CYP4X1: variants seen among roughly 807,000 people sequenced by gnomAD.
The protein encoded by CYP4X1 is cytochrome P450 family 4 subfamily X member 1.
In CYP4X1, 44 loss-of-function variants were observed where a neutral mutation model predicts 57.9. The ratio of observed to expected loss-of-function variants is 0.76; its 90% confidence interval spans 0.60 to 0.98. The LOEUF is 0.98. CYP4X1 is among the 50% of genes least tolerant of loss of function. The pLI is 0.00. For missense variants in CYP4X1, 532 were observed against 623.9 expected (o/e 0.85, Z 1.57); for synonymous variants, 227 against 228.6 (o/e 0.99, Z 0.06).
chr1:46,961,715 C>T, the CYP4X1 span: 1 of 1,303,376 alleles, frequency 7.7e-7, no homozygotes, highest in Non-Finnish European at 1.0e-6. Context: ...ACTTGCAGAA[C>T]CTCAAGCCCT....
rs947029906 is a variant in CYP4X1, at chr1:47,039,469, A to G, written c.1010A>G (p.Glu337Gly). ...CTTTACTGCCTGGCTCTGAACCCTG[A>G]GCATCAAGAGAGATGCCGGGAGGAG... ...WILYCLALNP[E>G]HQERCREEVR... The change falls in exon 8 of 12, where the codon GAG (glutamate) becomes GGG (glycine). Residue 337 changes from glutamate to glycine, a missense_variant. Glu to Gly is a moderately conservative substitution (Grantham distance 98, BLOSUM62 -2). Transcript: ENST00000371901. 3.7e-6 allele frequency: 6 copies of G among 1,613,352 alleles called. No individual in the cohort carries two copies. The African/African-American group carries it at 8.0e-5, about 22-fold the overall frequency.
At chr1:46,999,026 T>TTGTGTGTGTGTGTGTGTG in the CYP4X1 span, among the ~76,000 whole-genome samples, 514 of 143,310 alleles carry the variant, frequency 3.6e-3, 8 homozygotes, top group African/African-American at 0.013. Context: ...CTTGCTTTCT[T>TTGTGTGTGTGTGTGTGTG]TGTGTGTGTG....
the CYP4X1 span, among the ~76,000 whole-genome samples, chr1:46,987,623 C>G: frequency 6.6e-6 from 1 of 152,150 alleles, no homozygotes; most frequent in African/African-American, 2.4e-5. Context: ...AAATTGACCA[C>G]ATAATTGGAA....
Position 47,030,121 on chromosome 1 carries a change from G to T in CYP4X1, c.309G>T (p.Leu103=). 1 of 1,613,584 alleles carries T rather than the reference G, an allele frequency of 6.2e-7. No homozygotes were observed. The highest frequency in any genetic ancestry group is 8.5e-7 in the Non-Finnish European group (1 of 1,179,712). ...ACCCAGACTATGCAAAGACACTTCT[G>T]AGCAGAACAGGTAAGAAGAGGGGGA... ...IYDPDYAKTL[L]SRTDPKSQYL... is the part of the protein sequence containing the mutation. The change falls in exon 2 of 12, where the codon CTG becomes CTT. Residue 103 remains leucine (L), a synonymous_variant. Coordinates refer to ENST00000371901, the MANE Select transcript of CYP4X1 (RefSeq NM_178033.2).
At chr1:46,981,195 C>A in the CYP4X1 span, among the ~76,000 whole-genome samples, 5,573 of 151,952 alleles carry the variant, frequency 0.037, 340 homozygotes, top group African/African-American at 0.12. Flanking sequence ...GTGAACAGGC[C>A]ACCTACAGAA....
chr1:46,963,893 G>C, the CYP4X1 span, among the ~76,000 whole-genome samples: 4 of 152,240 alleles, frequency 2.6e-5, no homozygotes, highest in Non-Finnish European at 4.4e-5. Context: ...ATCAGACATA[G>C]ATTTGGTCTC....
the CYP4X1 span, among the ~76,000 whole-genome samples, chr1:46,977,205 C>T: frequency 6.6e-6 from 1 of 152,072 alleles, no homozygotes; most frequent in Non-Finnish European, 1.5e-5. Flanking sequence ...TCAAACCCAT[C>T]ACAAGGAAGC....
chr1:47,035,350 C>T (rs970630966), intron 4 of CYP4X1, among the ~76,000 whole-genome samples: 1 of 152,042 alleles, frequency 6.6e-6, no homozygotes. Context: ...ACTTTTGAAT[C>T]CAAACGTTTT....
intron 2 of CYP4X1, 108 bp downstream of exon 2, chr1:47,030,239 A>C: frequency 7.2e-7 from 1 of 1,388,904 alleles, no homozygotes; most frequent in East Asian, 2.3e-5. Context: ...TTTAAGAGAC[A>C]CAGCAGCAAG....
At chr1:46,975,162 G>T in the CYP4X1 span, among the ~76,000 whole-genome samples, 3 of 152,100 alleles carry the variant, frequency 2.0e-5, no homozygotes, top group African/African-American at 7.2e-5. Context: ...GGGGTATTTA[G>T]CCTGTTTACG....
At chr1:46,998,492 A>T in the CYP4X1 span, among the ~76,000 whole-genome samples, 2 of 152,116 alleles carry the variant, frequency 1.3e-5, no homozygotes, top group Non-Finnish European at 2.9e-5. Context: ...CCTTTTTCAC[A>T]TGCATAGTTT....
At chr1:47,048,090 AAAG>A (rs1644321923) in intron 9 of CYP4X1, among the ~76,000 whole-genome samples, 1 of 151,932 alleles carries the variant, frequency 6.6e-6, no homozygotes, top group South Asian at 2.1e-4. Context: ...AAAAAAAAAA[AAAG>A]AGAGAGATAG....
At chr1:46,996,600 A>G in the CYP4X1 span, among the ~76,000 whole-genome samples, 1 of 152,250 alleles carries the variant, frequency 6.6e-6, no homozygotes, top group Non-Finnish European at 1.5e-5. Context: ...AGCAGAATAT[A>G]GAACTGTATG....
At chr1:46,969,680 C>T in the CYP4X1 span, among the ~76,000 whole-genome samples, 5 of 152,316 alleles carry the variant, frequency 3.3e-5, no homozygotes, top group Non-Finnish European at 5.9e-5. Context: ...TAGAGTGTAC[C>T]TGTCCAGTTC....
the CYP4X1 span, among the ~76,000 whole-genome samples, chr1:46,984,679 G>C: frequency 6.6e-6 from 1 of 152,184 alleles, no homozygotes; most frequent in African/African-American, 2.4e-5. Flanking sequence ...TTCCAGCCCA[G>C]ATACTACGCT....
chr1:46,995,446 A>T, the CYP4X1 span, among the ~76,000 whole-genome samples: 1 of 152,136 alleles, frequency 6.6e-6, no homozygotes, highest in Admixed American at 6.5e-5. Context: ...AGGTAGAGGG[A>T]CAAGCACCGA....
the CYP4X1 span, chr1:47,003,092 C>T: frequency 2.6e-5 from 4 of 152,156 alleles, no homozygotes; most frequent in Non-Finnish European, 5.9e-5. Context: ...AGAAATCTCT[C>T]TTTGGGTAGA....
chr1:47,044,339 C>T (rs990625053), intron 8 of CYP4X1, among the ~76,000 whole-genome samples: 2 of 152,158 alleles, frequency 1.3e-5, no homozygotes, highest in Non-Finnish European at 2.9e-5. Context: ...AACAGCTTAA[C>T]TTTCAACACT....
At chr1:47,003,017 C>T in the CYP4X1 span, 1 of 152,210 alleles carries the variant, frequency 6.6e-6, no homozygotes, top group African/African-American at 2.4e-5. Flanking sequence ...TCACCTCCAT[C>T]TTGTCAGGGT....
Sources: allele counts gnomAD v4.1 joint callset (sites outside exome capture counted in the v4.1 genomes callset), GRCh38; gene constraint gnomAD v4.1.1; transcripts MANE v1.5; gene names NCBI Gene and HGNC (gene_info 2026-07-23, HGNC 2026-07-21).